PCNP: variants seen among roughly 807,000 people sequenced by gnomAD.
PCNP encodes the protein PEST proteolytic signal containing nuclear protein.
A neutral mutation model predicts 21.8 loss-of-function variants in PCNP; 6 were observed. The ratio of observed to expected loss-of-function variants is 0.28; its 90% CI spans 0.15 to 0.54. The LOEUF is 0.54. Among genes scored for constraint, PCNP ranks in the 20% least tolerant of loss-of-function variants. The probability of loss-of-function intolerance (pLI) is 0.95; values close to 1 mark genes in which losing one functional copy is unlikely to be tolerated. For missense variants in PCNP, 161 were observed against 215.5 expected (o/e 0.75, Z 1.58); for synonymous variants, 67 against 73.2 (o/e 0.92, Z 0.43).
intron 2 of PCNP, among the ~76,000 whole-genome samples, chr3:101,582,478 A>G (rs538424895): frequency 6.6e-6 from 1 of 152,294 alleles, no homozygotes; most frequent in East Asian, 1.9e-4. Flanking sequence ...GTGTAAACAC[A>G]GTCTTATTGG....
intron 1 of PCNP, among the ~76,000 whole-genome samples, chr3:101,577,982 C>T (rs533503050): frequency 2.8e-4 from 42 of 152,142 alleles, no homozygotes; most frequent in African/African-American, 9.9e-4. Context: ...AGATAAAATT[C>T]CTTTTATTAA....
intron 1 of PCNP, among the ~76,000 whole-genome samples, chr3:101,579,338 A>T (rs7635044): frequency 0.39 from 58,832 of 151,902 alleles, 12,462 homozygotes; most frequent in Non-Finnish European, 0.48. Flanking sequence ...CCTGTTTATA[A>T]CTAGGTACTT....
At position 101,586,571 on chromosome 3, in the gene PCNP, T is replaced by TGTGTGTGTGTGTGTGTGA; in HGVS notation, c.354+1061_354+1062insTGTGTGTGTGTGTGTGAG. ...GTGTGTGTGTGTGTGTGTGTGTGTG[T>TGTGTGTGTGTGTGTGTGA]GAGAGAGAGAGAGAGAGAGTTTCTT... On this transcript the variant is annotated intron_variant, in intron 3 of 4. Coordinates refer to ENST00000265260, the MANE Select transcript of PCNP (RefSeq NM_020357.3). Among the ~76,000 whole-genome samples, 32 of 114,198 alleles carry TGTGTGTGTGTGTGTGTGA rather than the reference T, an allele frequency of 2.8e-4. 1 individual carries two copies. Among genetic ancestry groups the TGTGTGTGTGTGTGTGTGA allele is most frequent in the African/African-American group, 9.1e-4 (30 of 32,948 alleles). 74.9% of individuals were successfully genotyped at this position (114,198 alleles called of 152,430 possible).
rs771476535 is a variant in PCNP at position 101,579,931 on chromosome 3, C to G, written c.206C>G (p.Ser69Cys). Residue 69 changes from serine to cysteine, a missense_variant, in exon 2 of 5, where the codon TCC becomes TGC. Physicochemically the swap from Ser to Cys is moderately radical, Grantham distance 112. This residue lies in a region of PCNP where 46 missense variants were observed against 39.3 expected (regional missense o/e 1.17). Transcript: ENST00000265260. The part of the protein sequence containing the change: ...ADLPTKPTKI[S>C]KFGFAIGSQT... ...CTCCCAACAAAGCCTACAAAGATCT[C>G]CAAGTTTGGATTTGCCATAGGTAGT... is the stretch of plus-strand genomic sequence containing the variant. The G allele has an allele frequency of 5.6e-6, 9 of 1,613,948 alleles. No individual in the cohort carries two copies. In the East Asian group the frequency reaches 1.6e-4, roughly 28 times the overall value.
rs200444775 is a variant in PCNP, at chr3:101,574,245, G to C, written c.30G>C (p.Lys10Asn). 1.4e-5 allele frequency: 21 copies of C among 1,549,872 alleles called. No individual in the cohort carries two copies. The highest frequency in any genetic ancestry group is 7.4e-5 in the East Asian group (3 of 40,764). ...CGGACGGGAAGGCGGGAGACGAGAA[G>C]CCTGAAAAGTCGCAGCGAGCTGGAG... is the stretch of plus-strand genomic sequence containing the variant. MADGKAGDE[K>N]PEKSQRAGAA... The change falls in exon 1 of 5, where the codon AAG (lysine) becomes AAC (asparagine). Residue 10 changes from lysine to asparagine, a missense_variant. This residue lies in a region of PCNP where 43 missense variants were observed against 26.6 expected (regional missense o/e 1.62). Transcript: ENST00000265260.
chr3:101,582,286 C>G (rs1935264504), intron 2 of PCNP, among the ~76,000 whole-genome samples: 1 of 152,052 alleles, frequency 6.6e-6, no homozygotes, highest in Non-Finnish European at 1.5e-5. Flanking sequence ...AACTCCATCT[C>G]TACTAAAAAT....
chr3:101,584,734 T>C lies in PCNP; in HGVS notation c.280-703T>C, dbSNP rs568153612. Among the ~76,000 whole-genome samples the C allele has an allele frequency of 2.0e-5, 3 of 152,232 alleles. No individual in the cohort carries two copies. In the South Asian group the frequency reaches 6.2e-4, roughly 32 times the overall value. On this transcript the variant is annotated intron_variant, in intron 2 of 4. Coordinates refer to ENST00000265260, the MANE Select transcript of PCNP (RefSeq NM_020357.3). The stretch of plus-strand genomic sequence containing the variant: ...CACTCACCACCACACCTGGCTGATT[T>C]TTTGTGTTTTTAGTAGAGAGCACCT...
chr3:101,581,034 A>G (rs1935193335), intron 2 of PCNP, among the ~76,000 whole-genome samples: 1 of 152,248 alleles, frequency 6.6e-6, no homozygotes, highest in African/African-American at 2.4e-5. Context: ...TCTTAAAAAT[A>G]TGGTCTGGAG....
At chr3:101,589,776 G>T (rs1935713755) in intron 3 of PCNP, 1 of 191,282 alleles carries the variant, frequency 5.2e-6, no homozygotes, top group Non-Finnish European at 1.1e-5. Flanking sequence ...CCTTAAAGTG[G>T]TTAAGAACCT....
intron 1 of PCNP, chr3:101,576,971 G>C: frequency 1.8e-6 from 2 of 1,111,644 alleles, no homozygotes; most frequent in South Asian, 1.2e-5. Context: ...GCGGCGGCGT[G>C]TAGGCCTCCT....
chr3:101,583,416 T>C (rs1935334175), intron 2 of PCNP, among the ~76,000 whole-genome samples: 1 of 152,104 alleles, frequency 6.6e-6, no homozygotes, highest in Non-Finnish European at 1.5e-5. Flanking sequence ...ATCGTGACAT[T>C]GCACTCCAGC....
At chr3:101,574,358 G>A (rs1351177981) in intron 1 of PCNP, 79 bp downstream of exon 1, 3 of 1,438,346 alleles carry the variant, frequency 2.1e-6, no homozygotes, top group African/African-American at 2.9e-5. Context: ...GGGGAGTGGG[G>A]TGGGGCGAGA....
chr3:101,578,002 T>C (rs1036285715), intron 1 of PCNP, among the ~76,000 whole-genome samples: 5 of 152,214 alleles, frequency 3.3e-5, no homozygotes, highest in African/African-American at 1.2e-4. Context: ...AAATATTCCT[T>C]AGTAAAGAAT....
At chr3:101,590,829 G>A (rs746567023) in intron 4 of PCNP, among the ~76,000 whole-genome samples, 1 of 152,138 alleles carries the variant, frequency 6.6e-6, no homozygotes, top group Non-Finnish European at 1.5e-5. Context: ...GATTACAGGT[G>A]TAAGCCACCA....
intron 4 of PCNP, among the ~76,000 whole-genome samples, chr3:101,591,912 C>T (rs1935831238): frequency 6.6e-6 from 1 of 151,886 alleles, no homozygotes; most frequent in South Asian, 2.1e-4. Context: ...GCTGGAGCCA[C>T]AGGCGCACAC....
rs577124862 is a variant in PCNP at position 101,589,556 on chromosome 3, A to G, written c.355-659A>G. On this transcript the variant is annotated intron_variant, in intron 3 of 4. Coordinates refer to ENST00000265260, the MANE Select transcript of PCNP (RefSeq NM_020357.3). Reference sequence around the variant, plus strand: ...CTCCTGAGTAGCTGGGATTACAGGCACGCGCCACCACACCTGGCCAATTTT... The same window carrying G: ...CTCCTGAGTAGCTGGGATTACAGGCGCGCGCCACCACACCTGGCCAATTTT... Among the ~76,000 whole-genome samples the G allele has an allele frequency of 9.6e-4, 146 of 152,134 alleles. 1 individual carries two copies. The highest frequency in any genetic ancestry group is 1.6e-3 in the Non-Finnish European group (112 of 67,992).
chr3:101,590,941 T>TA (rs1273781382), intron 4 of PCNP, among the ~76,000 whole-genome samples: 2 of 151,694 alleles, frequency 1.3e-5, no homozygotes, highest in Admixed American at 6.6e-5. Flanking sequence ...CTTCATTTTT[T>TA]AAAAAAATTT....
intron 2 of PCNP, among the ~76,000 whole-genome samples, chr3:101,584,891 C>G (rs1935418044): frequency 6.6e-6 from 1 of 152,206 alleles, no homozygotes; most frequent in South Asian, 2.1e-4. Context: ...GTAATCCCAG[C>G]TATTCAGGAC....
chr3:101,586,295 C>A (rs1381955737), intron 3 of PCNP, among the ~76,000 whole-genome samples: 1 of 151,818 alleles, frequency 6.6e-6, no homozygotes, highest in East Asian at 1.9e-4. Flanking sequence ...AGCATGTGGT[C>A]CAGAATGAGC....
Sources: allele counts gnomAD v4.1 joint callset (sites outside exome capture counted in the v4.1 genomes callset), GRCh38; gene constraint gnomAD v4.1.1; regional missense constraint gnomAD v4.1.1; transcripts MANE v1.5; gene names NCBI Gene and HGNC (gene_info 2026-07-23, HGNC 2026-07-21).